GPC5: variants seen among roughly 807,000 people sequenced by gnomAD.
GPC5 encodes the protein glypican-5.
GPC5 carries 47 observed loss-of-function variants against 53.9 expected under a neutral mutation model. That is an observed-to-expected ratio of 0.87 (90% CI 0.69 to 1.11). GPC5 has a LOEUF of 1.11. Ranked by LOEUF, GPC5 falls within the 50% of genes most tolerant of loss-of-function variation. The pLI, the probability that GPC5 is intolerant of heterozygous loss-of-function variation, is 0.00. For missense variants in GPC5, 748 were observed against 713.1 expected (o/e 1.05, Z -0.56); for synonymous variants, 286 against 263.3 (o/e 1.09, Z -0.84).
intron 7 of GPC5, among the ~76,000 whole-genome samples, chr13:92,349,144 G>GTAATT (rs1248221442): frequency 6.6e-6 from 1 of 152,020 alleles, no homozygotes; most frequent in Non-Finnish European, 1.5e-5. Flanking sequence ...AAATTTTAAT[G>GTAATT]TAATTTAATT....
At chr13:91,874,257 G>A (rs2039178694) in intron 5 of GPC5, among the ~76,000 whole-genome samples, 1 of 152,034 alleles carries the variant, frequency 6.6e-6, no homozygotes, top group African/African-American at 2.4e-5. Flanking sequence ...TAGTCACCCT[G>A]TATGTGAAAA....
At chr13:91,755,608 T>C (rs558935416) in intron 4 of GPC5, among the ~76,000 whole-genome samples, 1 of 152,234 alleles carries the variant, frequency 6.6e-6, no homozygotes, top group South Asian at 2.1e-4. Flanking sequence ...TGTTGTTGAA[T>C]TTTTCCTCTG....
At chr13:92,219,839 A>G (rs1280622256) in intron 7 of GPC5, among the ~76,000 whole-genome samples, 1 of 152,162 alleles carries the variant, frequency 6.6e-6, no homozygotes, top group Non-Finnish European at 1.5e-5. Context: ...GCAAGTGACC[A>G]ATCAGAAACC....
At chr13:92,284,383 C>T (rs2042938320) in intron 7 of GPC5, among the ~76,000 whole-genome samples, 1 of 152,156 alleles carries the variant, frequency 6.6e-6, no homozygotes, top group African/African-American at 2.4e-5. Context: ...TTCCCTAACT[C>T]ATTTTATGAG....
At chr13:92,148,371 C>T (rs1036446782) in intron 7 of GPC5, among the ~76,000 whole-genome samples, 2 of 152,104 alleles carry the variant, frequency 1.3e-5, no homozygotes, top group East Asian at 1.9e-4. Flanking sequence ...AAAATATTTG[C>T]GTACCTTTTA....
At chr13:92,853,136 A>T (rs1215271487) in intron 7 of GPC5, among the ~76,000 whole-genome samples, 1 of 152,200 alleles carries the variant, frequency 6.6e-6, no homozygotes, top group East Asian at 1.9e-4. Context: ...AGCAGAAAAA[A>T]AATCCAACTT....
chr13:92,162,466 G>A lies in GPC5; in HGVS notation c.1561+17477G>A, dbSNP rs181333539. On this transcript the variant is annotated intron_variant, in intron 7 of 7. Transcript: ENST00000377067. ...AGATCTTGTGGGAACACACAGGAAGGTATCTCAGTCTTAGGGATAACATGA... is the reference window on the plus strand; with the variant it reads ...AGATCTTGTGGGAACACACAGGAAGATATCTCAGTCTTAGGGATAACATGA... 2.6e-5 allele frequency among the ~76,000 whole-genome samples: 4 copies of A among 152,294 alleles called. No homozygotes were observed. In the East Asian group the frequency reaches 7.7e-4, roughly 29 times the overall value.
chr13:92,475,823 G>A (rs947210558), intron 7 of GPC5, among the ~76,000 whole-genome samples: 3 of 151,986 alleles, frequency 2.0e-5, no homozygotes, highest in African/African-American at 7.2e-5. Context: ...ATGGTGCTGG[G>A]AAAACTGGCT....
At chr13:92,196,429 T>A (rs887197386) in intron 7 of GPC5, among the ~76,000 whole-genome samples, 3 of 152,098 alleles carry the variant, frequency 2.0e-5, no homozygotes, top group Non-Finnish European at 4.4e-5. Context: ...ATTGAAATGG[T>A]TTTTTAAGAG....
intron 7 of GPC5, among the ~76,000 whole-genome samples, chr13:92,462,925 A>G (rs1212285882): frequency 3.3e-5 from 5 of 152,060 alleles, no homozygotes; most frequent in East Asian, 1.9e-4. Flanking sequence ...CATGTTGGTC[A>G]GGTTTTGTTC....
intron 6 of GPC5, among the ~76,000 whole-genome samples, chr13:91,967,227 A>T (rs975493912): frequency 6.6e-6 from 1 of 152,144 alleles, no homozygotes; most frequent in African/African-American, 2.4e-5. Context: ...TACCATGAGA[A>T]CAGTAAAGAG....
At chr13:92,591,987 A>G (rs1346185169) in intron 7 of GPC5, among the ~76,000 whole-genome samples, 1 of 152,190 alleles carries the variant, frequency 6.6e-6, no homozygotes, top group African/African-American at 2.4e-5. Flanking sequence ...TTTTCCCTGA[A>G]GTGGCTGGCA....
intron 7 of GPC5, among the ~76,000 whole-genome samples, chr13:92,699,574 A>C (rs1887663513): frequency 6.6e-6 from 1 of 152,124 alleles, no homozygotes; most frequent in Admixed American, 6.6e-5. Context: ...TAGTACTATA[A>C]ATTTCCCTCT....
At chr13:92,809,625 T>C (rs1391852848) in intron 7 of GPC5, among the ~76,000 whole-genome samples, 5 of 152,174 alleles carry the variant, frequency 3.3e-5, no homozygotes, top group Non-Finnish European at 7.4e-5. Flanking sequence ...AATTTGTAAT[T>C]GTTTTCTTTG....
rs552789590 is a variant in GPC5 at position 92,845,702 on chromosome 13, T to C, written c.1562-20580T>C. ...GCCCAGTAAAGTTGACACATGAAAT[T>C]AACCATCACACTATCTATACCGATT... On this transcript the variant is annotated intron_variant, in intron 7 of 7. Transcript: ENST00000377067. 3.9e-5 allele frequency among the ~76,000 whole-genome samples: 6 copies of C among 152,272 alleles called. No individual in the cohort carries two copies. In the South Asian group the frequency reaches 1.2e-3, roughly 32 times the overall value.
intron 5 of GPC5, among the ~76,000 whole-genome samples, chr13:91,773,100 C>T (rs901808928): frequency 2.6e-5 from 4 of 152,080 alleles, no homozygotes; most frequent in African/African-American, 9.7e-5. Context: ...GTACAGAGCA[C>T]CTTCTACATA....
At chr13:92,385,217 T>A (rs957352749) in intron 7 of GPC5, among the ~76,000 whole-genome samples, 1 of 151,042 alleles carries the variant, frequency 6.6e-6, no homozygotes, top group African/African-American at 2.4e-5. Flanking sequence ...TTATTATATT[T>A]CAACTATTAT....
chr13:92,585,608 T>C (rs564567119), intron 7 of GPC5, among the ~76,000 whole-genome samples: 104 of 152,234 alleles, frequency 6.8e-4, no homozygotes, highest in East Asian at 5.8e-4. Flanking sequence ...CTGGGACCGT[T>C]GGGAAGGCAT....
intron 7 of GPC5, among the ~76,000 whole-genome samples, chr13:92,179,560 T>C (rs968800098): frequency 6.6e-6 from 1 of 152,230 alleles, no homozygotes; most frequent in Non-Finnish European, 1.5e-5. Flanking sequence ...TTGGTCACAG[T>C]GTATCTTTTA....
Sources: gnomAD v4.1 joint callset for allele counts (sites outside exome capture counted in the v4.1 genomes callset) on GRCh38, gnomAD v4.1.1 for gene constraint, MANE v1.5 for transcripts, NCBI Gene and HGNC (gene_info 2026-07-23, HGNC 2026-07-21) for gene names.